Variants in CCNB1IP1 observed in about 807,000 individuals in gnomAD.
CCNB1IP1 encodes the protein cyclin B1 interacting protein 1, also known as E3 ubiquitin-protein ligase CCNB1IP1.
In CCNB1IP1, 14 loss-of-function variants were observed where a neutral mutation model predicts 25.6. That is an observed-to-expected ratio of 0.55 (90% CI 0.36 to 0.85). The LOEUF is 0.85. Ranked by LOEUF, CCNB1IP1 falls within the 40% of genes least tolerant of loss-of-function variation. CCNB1IP1 has a pLI of 0.01. For synonymous variants in CCNB1IP1, 119 were observed against 116.1 expected, an observed-to-expected ratio of 1.02 and a Z score of -0.16; for missense variants, 278 against 342.4, an observed-to-expected ratio of 0.81 and a Z score of 1.48.
intron 4 of CCNB1IP1, among the ~76,000 whole-genome samples, chr14:20,319,458 C>CA (rs1396703544): frequency 1.3e-5 from 2 of 152,074 alleles, no homozygotes; most frequent in Non-Finnish European, 2.9e-5. Context: ...AATATTAATA[C>CA]AAAAAATAGT....
In CCNB1IP1 at chr14:20,313,725, T is replaced by A. The variant is rs769126243; in HGVS notation, c.374A>T (p.Tyr125Phe). The change falls in exon 6 of 7, where the codon TAT becomes TTT. Residue 125 changes from tyrosine (Y) to phenylalanine (F), a missense_variant. Coordinates refer to ENST00000358932, the MANE Select transcript of CCNB1IP1 (RefSeq NM_021178.5). ...EGHLKQMEKI[Y>F]TQQIQSKDVE... Reference sequence around the variant, plus strand: ...ATCCTTGCTTTGTATTTGCTGAGTATATATCTTCTCCATCTGTTTCAGATG... The same window carrying A: ...ATCCTTGCTTTGTATTTGCTGAGTAAATATCTTCTCCATCTGTTTCAGATG... The A allele has an allele frequency of 7.4e-6, 12 of 1,613,740 alleles. No homozygotes were observed. In the African/African-American group the frequency reaches 1.2e-4, roughly 16 times the overall value.
intron 1 of CCNB1IP1, chr14:20,332,837 C>CA (rs1883293113): frequency 6.6e-6 from 1 of 152,234 alleles, no homozygotes; most frequent in Non-Finnish European, 1.5e-5. Flanking sequence ...GCCCTCTAGA[C>CA]ACTCACCGGA....
intron 4 of CCNB1IP1, 125 bp from the exon 5 acceptor site, chr14:20,316,685 A>G: frequency 3.5e-6 from 2 of 579,678 alleles, no homozygotes; most frequent in Non-Finnish European, 6.0e-6. Context: ...CCTTGTATTT[A>G]TTATAATTGA....
Position 20,315,882 on chromosome 14 carries a change from G to C in CCNB1IP1, c.297+345C>G, listed in dbSNP as rs1247644598. Reference sequence around the variant, plus strand: ...AACACAAGAAAACCCCGTCTCAAAAGGAAGAAAAATTCATACCAGATATAA... The same window carrying C: ...AACACAAGAAAACCCCGTCTCAAAACGAAGAAAAATTCATACCAGATATAA... On this transcript the variant is annotated intron_variant, in intron 5 of 6. Coordinates refer to ENST00000358932, the MANE Select transcript of CCNB1IP1 (RefSeq NM_021178.5). 3 of 561,054 alleles carry C rather than the reference G, an allele frequency of 5.3e-6. No individual in the cohort carries two copies. In the African/African-American group the frequency reaches 5.9e-5, roughly 11 times the overall value. 34.8% of individuals were successfully genotyped at this position (561,054 alleles called of 1,614,324 possible).
At chr14:20,324,853 C>T (rs1566404293) in intron 4 of CCNB1IP1, among the ~76,000 whole-genome samples, 1 of 152,048 alleles carries the variant, frequency 6.6e-6, no homozygotes, top group African/African-American at 2.4e-5. Context: ...GACGGAATCT[C>T]CCTATCACCC....
chr14:20,321,528 C>A (rs1882895446), intron 4 of CCNB1IP1, among the ~76,000 whole-genome samples: 3 of 152,050 alleles, frequency 2.0e-5, no homozygotes, highest in African/African-American at 7.2e-5. Flanking sequence ...TCTCAGCTCA[C>A]CGCAACCTCC....
intron 4 of CCNB1IP1, among the ~76,000 whole-genome samples, chr14:20,317,427 C>T (rs936658584): frequency 6.6e-6 from 1 of 152,132 alleles, no homozygotes; most frequent in Non-Finnish European, 1.5e-5. Flanking sequence ...TTGCCTTGGC[C>T]CTCCAGGTCG....
At chr14:20,314,948 G>T (rs61995510) in intron 5 of CCNB1IP1, among the ~76,000 whole-genome samples, 7,577 of 150,536 alleles carry the variant, frequency 0.05, 262 homozygotes, top group Middle Eastern at 0.1. Context: ...AAAATTAGCC[G>T]GGCGTGGTGG....
intron 4 of CCNB1IP1, among the ~76,000 whole-genome samples, chr14:20,320,920 CT>C (rs1388606569): frequency 1.3e-5 from 2 of 151,770 alleles, no homozygotes; most frequent in Admixed American, 1.3e-4. Flanking sequence ...GGTGGATCAC[CT>C]GAGGTCGGGA....
intron 6 of CCNB1IP1, among the ~76,000 whole-genome samples, 159 bp downstream of exon 6, chr14:20,313,309 A>G (rs1882563289): frequency 6.6e-6 from 1 of 152,250 alleles, no homozygotes; most frequent in Non-Finnish European, 1.5e-5. Flanking sequence ...GATAAAAGCA[A>G]TGATGTACAG....
At chr14:20,322,191 T>G (rs948417095) in intron 4 of CCNB1IP1, among the ~76,000 whole-genome samples, 3 of 152,240 alleles carry the variant, frequency 2.0e-5, no homozygotes, top group African/African-American at 7.2e-5. Context: ...GGTTTTACAA[T>G]TAAAAACAAT....
chr14:20,319,837 G>A (rs1203931618), intron 4 of CCNB1IP1, among the ~76,000 whole-genome samples: 1 of 152,148 alleles, frequency 6.6e-6, no homozygotes, highest in East Asian at 1.9e-4. Flanking sequence ...CAAAGTAAAA[G>A]CATAAATTTC....
chr14:20,315,973 AGTGT>A, intron 5 of CCNB1IP1: 1 of 468,280 alleles, frequency 2.1e-6, no homozygotes, highest in Non-Finnish European at 3.8e-6. Context: ...AGAGAGAGAG[AGTGT>A]GTGAGTGTGT....
At chr14:20,321,731 C>T (rs961182638) in intron 4 of CCNB1IP1, among the ~76,000 whole-genome samples, 1 of 152,086 alleles carries the variant, frequency 6.6e-6, no homozygotes, top group African/African-American at 2.4e-5. Flanking sequence ...GGATCATCGG[C>T]GTGATCAAGA....
At chr14:20,320,596 G>A (rs1162329225) in intron 4 of CCNB1IP1, among the ~76,000 whole-genome samples, 1 of 152,048 alleles carries the variant, frequency 6.6e-6, no homozygotes, top group East Asian at 1.9e-4. Context: ...CTGAGGTCAG[G>A]AGTTTGAGTC....
At chr14:20,320,561 T>C (rs1882858541) in intron 4 of CCNB1IP1, among the ~76,000 whole-genome samples, 1 of 152,120 alleles carries the variant, frequency 6.6e-6, no homozygotes, top group Non-Finnish European at 1.5e-5. Context: ...TCCAGCTCTT[T>C]GGGAGGCCAA....
intron 4 of CCNB1IP1, chr14:20,317,632 T>A (rs1182187353): frequency 6.6e-6 from 1 of 152,148 alleles, no homozygotes; most frequent in Non-Finnish European, 1.5e-5. Flanking sequence ...CGCAGCTAAT[T>A]CCGAATCTTC....
chr14:20,319,417 G>T (rs1882822049), intron 4 of CCNB1IP1, among the ~76,000 whole-genome samples: 1 of 152,174 alleles, frequency 6.6e-6, no homozygotes, highest in Non-Finnish European at 1.5e-5. Flanking sequence ...CCTTCTGTGT[G>T]AATTCTGGTT....
Position 20,311,752 on chromosome 14 carries a change from C to A in CCNB1IP1, c.632G>T (p.Gly211Val). The A allele has an allele frequency of 6.2e-7, 1 of 1,611,272 alleles. No individual in the cohort carries two copies. The highest frequency in any genetic ancestry group is 8.5e-7 in the Non-Finnish European group (1 of 1,178,298). Residue 211 changes from glycine to valine, a missense_variant and splice_region_variant, in exon 7 of 7, where the codon GGT (glycine) becomes GTT (valine). Transcript: ENST00000358932. Reference sequence around the variant, plus strand: ...ATCCAAAGGAAACTTGGAGTTGTTACCTAGGGCAGAAAAAAAGGAAAAACA... The same window carrying A: ...ATCCAAAGGAAACTTGGAGTTGTTAACTAGGGCAGAAAAAAAGGAAAAACA... ...AQSGVLGFPL[G>V]NNSKFPLDNT...
Sources: gnomAD v4.1 joint callset for allele counts (sites outside exome capture counted in the v4.1 genomes callset) on GRCh38, gnomAD v4.1.1 for gene constraint, MANE v1.5 for transcripts, NCBI Gene and HGNC (gene_info 2026-07-23, HGNC 2026-07-21) for gene names.